Variants in PRDM15 observed in about 807,000 individuals in gnomAD.
PRDM15 encodes the protein PR/SET domain 15, also known as PR domain zinc finger protein 15.
A neutral mutation model predicts 128.6 loss-of-function variants in PRDM15; 64 were observed. That is an observed-to-expected ratio of 0.50 (90% CI 0.41 to 0.61). PRDM15 has a LOEUF of 0.61. PRDM15 is among the 20% of genes least tolerant of loss of function. PRDM15 has a pLI of 0.00. For missense variants in PRDM15, 1,242 were observed against 1,569.1 expected, an observed-to-expected ratio of 0.79 and a Z score of 3.52; for synonymous variants, 615 against 621.8, an observed-to-expected ratio of 0.99 and a Z score of 0.16.
In PRDM15 at chr21:41,854,684, C is replaced by T. The variant is rs757061956; in HGVS notation, c.420G>A (p.Val140=). ...NLTAYQHGSD[V]YFTTSRDIPP... is the part of the protein sequence containing the mutation. ...GGATGTCTCTGGAGGTGGTGAAGTA[C>T]ACGTCGCTGCCGTGCTGGTAGGCCG... is the stretch of plus-strand genomic sequence containing the variant. The change falls in exon 5 of 24, where the codon GTG becomes GTA. Residue 140 remains valine, a synonymous_variant. Coordinates refer to ENST00000398548, the MANE Select transcript of PRDM15 (RefSeq NM_001040424.3). The surrounding 1 kb of genome is among the most constrained non-coding windows in gnomAD (Gnocchi z 4.6). 143 of 1,613,712 alleles carry T rather than the reference C, an allele frequency of 8.9e-5. No homozygotes were observed. The South Asian group carries it at 9.2e-4, about 10-fold the overall frequency.
chr21:41,866,877 C>G (rs563745636), intron 1 of PRDM15, among the ~76,000 whole-genome samples: 14 of 152,164 alleles, frequency 9.2e-5, no homozygotes, highest in Non-Finnish European at 1.8e-4. Context: ...CCACCTGACC[C>G]GCATCTTGAT....
intron 21 of PRDM15, among the ~76,000 whole-genome samples, chr21:41,806,514 CACCACCA>C (rs2061652173): frequency 4.9e-5 from 1 of 20,240 alleles, no homozygotes. Context: ...TCACCATCAC[CACCACCA>C]TCACCACCAC....
At chr21:41,878,748 G>A (rs1401609601) in intron 1 of PRDM15, 4 of 1,565,100 alleles carry the variant, frequency 2.6e-6, no homozygotes, top group African/African-American at 2.8e-5. Flanking sequence ...CCCCCCGTGC[G>A]ACCCGCATGG....
rs1024985982 is a variant in PRDM15 at position 41,840,488 on chromosome 21, C to T, written c.641-635G>A. Among the ~76,000 whole-genome samples, 4 of 150,168 alleles carry T rather than the reference C, an allele frequency of 2.7e-5. No individual in the cohort carries two copies. In the East Asian group the frequency reaches 5.8e-4, roughly 22 times the overall value. On this transcript the variant is annotated intron_variant, in intron 6 of 23. Coordinates refer to ENST00000398548, the MANE Select transcript of PRDM15 (RefSeq NM_001040424.3). ...GAATTGCACCCTAGACCTGTGAAAG[C>T]TCTGGGAGACGTAGCAGAAGCAAAA...
chr21:41,852,203 A>G (rs1432817182), intron 5 of PRDM15, among the ~76,000 whole-genome samples: 1 of 152,254 alleles, frequency 6.6e-6, no homozygotes. Context: ...CTTTGACCTT[A>G]GCCTTGAGGG....
Position 41,802,754 on chromosome 21 carries a change from A to G in PRDM15, c.2901T>C (p.Ser967=), listed in dbSNP as rs565528491. 8.7e-6 allele frequency: 14 copies of G among 1,614,202 alleles called. No individual in the cohort carries two copies. The African/African-American group carries it at 1.7e-4, about 20-fold the overall frequency. The change falls in exon 23 of 24, where the codon AGT becomes AGC. Residue 967 remains serine, a synonymous_variant. Coordinates refer to ENST00000398548, the MANE Select transcript of PRDM15 (RefSeq NM_001040424.3). ...CTGCGGAATTGGTCTCGTCGCCTAC[A>G]CTGCCTGTGAACTCCGTCTCTTTCT... ...YSEKETEFTG[S]VGDETNSAVQ...
At position 41,798,463 on chromosome 21, in the gene PRDM15, C is replaced by T. The variant is rs1338580282; in HGVS notation, c.*2777G>A. Reference sequence around the variant, plus strand: ...CCCTCCAGCGCAGTCCCATGCCGGACACAGCGAGGCGGCACTTGGCACAGA... The same window carrying T: ...CCCTCCAGCGCAGTCCCATGCCGGATACAGCGAGGCGGCACTTGGCACAGA... On this transcript the variant is annotated 3_prime_UTR_variant, in exon 24 of 24. Transcript: ENST00000398548. 6.6e-6 allele frequency: 1 copy of T among 152,314 alleles called. No individual in the cohort carries two copies. Among genetic ancestry groups the T allele is most frequent in the Admixed American group, 6.5e-5 (1 of 15,290 alleles). The allele number at this position is 152,314 out of a possible 1,614,324, so 9.4% of individuals were successfully genotyped here.
intron 1 of PRDM15, among the ~76,000 whole-genome samples, chr21:41,864,920 C>G (rs531817386): frequency 1.3e-4 from 20 of 149,450 alleles, no homozygotes; most frequent in South Asian, 4.4e-4. Flanking sequence ...CTTCCCGGAA[C>G]GCCAAGCTGG....
In PRDM15 at chr21:41,815,837, C is replaced by T; in HGVS notation, c.2261-1G>A. 6.2e-7 allele frequency: 1 copy of T among 1,613,218 alleles called. No homozygotes were observed. Among genetic ancestry groups the T allele is most frequent in the Non-Finnish European group, 8.5e-7 (1 of 1,179,846 alleles). ...CGCAGCGCGTGCTTGGTCTTCATGC[C>T]TTCAAGGACACAGCGAGTCAGAGGC... On this transcript the variant is annotated splice_acceptor_variant, in intron 18 of 23. Transcript: ENST00000398548. LOFTEE classifies it high-confidence loss of function.
intron 21 of PRDM15, among the ~76,000 whole-genome samples, chr21:41,806,408 A>G (rs1290600532): frequency 4.7e-5 from 2 of 42,482 alleles, no homozygotes; most frequent in African/African-American, 1.3e-4. Context: ...CACCACCACC[A>G]CCATCACCAC....
chr21:41,818,643 A>G (rs73375528), intron 18 of PRDM15, among the ~76,000 whole-genome samples: 7,699 of 152,188 alleles, frequency 0.051, 662 homozygotes, highest in African/African-American at 0.17. Context: ...ACGGGTGCTC[A>G]TAGGGGTCAC....
chr21:41,853,817 T>G (rs1162467229), intron 5 of PRDM15, among the ~76,000 whole-genome samples: 1 of 152,178 alleles, frequency 6.6e-6, no homozygotes, highest in Non-Finnish European at 1.5e-5. Context: ...CCCCCAAATC[T>G]GGGAGGAGGC....
chr21:41,836,368 T>G (rs2062891521), intron 9 of PRDM15, 100 bp downstream of exon 9: 7 of 1,371,680 alleles, frequency 5.1e-6, no homozygotes, highest in Non-Finnish European at 3.0e-6. Context: ...GCGCAGCTCG[T>G]GGGAGACGAC....
At chr21:41,817,529 A>G (rs73375518) in intron 18 of PRDM15, among the ~76,000 whole-genome samples, 5,832 of 152,286 alleles carry the variant, frequency 0.038, 354 homozygotes, top group African/African-American at 0.13. Context: ...AATGTAAAGT[A>G]ATAATATGCA....
chr21:41,839,709 T>C lies in PRDM15; in HGVS notation c.785A>G (p.Gln262Arg), dbSNP rs1365156393. 5 of 1,614,286 alleles carry C rather than the reference T, an allele frequency of 3.1e-6. No individual in the cohort carries two copies. Among genetic ancestry groups the C allele is most frequent in the Non-Finnish European group, 4.2e-6 (5 of 1,180,054 alleles). ...PESENVATKE[Q>R]KKKPRRGRKP... The stretch of plus-strand genomic sequence containing the variant: ...TCTCCCCCTTCGAGGCTTTTTCTTC[T>C]GTTCTTTGGTGGCAACATTCTCGCT... The change falls in exon 7 of 24, where the codon CAG (glutamine) becomes CGG (arginine). Residue 262 changes from glutamine to arginine, a missense_variant. By Grantham distance (43) the Gln-to-Arg change is conservative (BLOSUM62 1). Coordinates refer to ENST00000398548, the MANE Select transcript of PRDM15 (RefSeq NM_001040424.3).
Position 41,821,772 on chromosome 21 carries a change from G to A in PRDM15, c.1896+131C>T. The A allele has an allele frequency of 8.8e-7, 1 of 1,142,044 alleles. No homozygotes were observed. Among genetic ancestry groups the A allele is most frequent in the Non-Finnish European group, 1.3e-6 (1 of 788,308 alleles). The allele number at this position is 1,142,044 out of a possible 1,614,324, so 70.7% of individuals were successfully genotyped here. ...GCACCCAGTCTGCAGTAGGACCACT[G>A]GCCGGAGCCTTTGGGGAGGGAGGGC... On this transcript the variant is annotated intron_variant, in intron 15 of 23. Transcript: ENST00000398548. The surrounding 1 kb of genome is among the most constrained non-coding windows in gnomAD (Gnocchi z 5.4).
intron 1 of PRDM15, among the ~76,000 whole-genome samples, chr21:41,864,435 C>T (rs1476138866): frequency 6.6e-6 from 1 of 151,078 alleles, no homozygotes; most frequent in African/African-American, 2.4e-5. Context: ...AAATCATTTG[C>T]ATCTTCATTC....
At chr21:41,822,099 A>G (rs2062296137) in intron 14 of PRDM15, 62 bp from the exon 15 acceptor site, 2 of 1,605,096 alleles carry the variant, frequency 1.2e-6, no homozygotes, top group African/African-American at 1.3e-5. Context: ...TCAGTTATCT[A>G]CACCGCAGGG....
chr21:41,829,748 TACAC>T (rs1221834363), intron 11 of PRDM15, among the ~76,000 whole-genome samples: 23 of 127,766 alleles, frequency 1.8e-4, no homozygotes, highest in African/African-American at 6.7e-4. Context: ...CTATACCACA[TACAC>T]ACACATTCAA....
Sources: allele counts gnomAD v4.1 joint callset (sites outside exome capture counted in the v4.1 genomes callset), GRCh38; gene constraint gnomAD v4.1.1; non-coding constraint Gnocchi (gnomAD v3.1); transcripts MANE v1.5; gene names NCBI Gene and HGNC (gene_info 2026-07-23, HGNC 2026-07-21).